Variants in EFCAB3 observed in about 807,000 individuals in gnomAD.
EFCAB3 encodes the protein EF-hand calcium-binding domain-containing protein 3.
In EFCAB3, 36 loss-of-function variants were observed where a neutral mutation model predicts 42.2. That is an observed-to-expected ratio of 0.85 (90% CI 0.65 to 1.13). The LOEUF (loss-of-function observed/expected upper bound fraction) is 1.13. Ranked by LOEUF, EFCAB3 falls within the 50% of genes most tolerant of loss-of-function variation. EFCAB3 has a pLI of 0.00. For synonymous variants in EFCAB3, 170 were observed against 172.8 expected (o/e 0.98, Z 0.13); for missense variants, 418 against 505.1 (o/e 0.83, Z 1.65).
Position 62,391,933 on chromosome 17 carries a change from T to C in EFCAB3, c.263T>C (p.Val88Ala), listed in dbSNP as rs1346242726. The C allele has an allele frequency of 2.5e-6, 4 of 1,610,938 alleles. No individual in the cohort carries two copies. The highest frequency in any genetic ancestry group is 3.3e-5 in the Admixed American group (2 of 59,906). Residue 88 changes from valine to alanine, a missense_variant, in exon 4 of 10, where the codon GTC becomes GCC. By Grantham distance (64) the Val-to-Ala change is moderately conservative. Coordinates refer to ENST00000305286, the MANE Select transcript of EFCAB3 (RefSeq NM_173503.4). ...GGAATGAATCTGACCAAGCATGATG[T>C]CTATAATGAATTGAAATGTGCTGAT... ...KLGMNLTKHD[V>A]YNELKCADID...
At chr17:62,393,484 C>G (rs2070321791) in intron 4 of EFCAB3, 89 bp from the exon 5 acceptor site, 5 of 1,004,936 alleles carry the variant, frequency 5.0e-6, no homozygotes, top group Non-Finnish European at 7.3e-6. Context: ...ATTGAATCAT[C>G]CAGAGTGTTT....
chr17:62,389,890 C>T (rs930840988), intron 3 of EFCAB3, among the ~76,000 whole-genome samples: 2 of 152,042 alleles, frequency 1.3e-5, no homozygotes, highest in South Asian at 4.2e-4. Context: ...AGGTTCACGC[C>T]ATTCTCCTGC....
At chr17:62,370,249 A>G in exon 1 of EFCAB3, 2 of 1,550,884 alleles carry the variant, frequency 1.3e-6, no homozygotes, top group East Asian at 4.9e-5. Flanking sequence ...AACTTAGACA[A>G]TTTCTAGCAA....
chr17:62,378,732 C>T (rs960528245), upstream of EFCAB3, among the ~76,000 whole-genome samples: 1 of 112,430 alleles, frequency 8.9e-6, no homozygotes, highest in Non-Finnish European at 1.7e-5. Context: ...GGCATGGACA[C>T]AGGGAGGGGA....
At chr17:62,375,803 T>G (rs142928754), upstream of EFCAB3, among the ~76,000 whole-genome samples, 111 of 152,334 alleles carry the variant, frequency 7.3e-4, 1 homozygote, top group African/African-American at 2.6e-3. Flanking sequence ...ATATCTTTGC[T>G]TACTTTTCTA....
intron 8 of EFCAB3, among the ~76,000 whole-genome samples, chr17:62,407,706 C>G (rs1171382416): frequency 1.3e-5 from 2 of 152,132 alleles, no homozygotes; most frequent in Non-Finnish European, 2.9e-5. Flanking sequence ...TCTTTTTGCC[C>G]CCCCTCCCAG....
intron 9 of EFCAB3, among the ~76,000 whole-genome samples, chr17:62,414,781 C>T (rs1309305625): frequency 6.6e-6 from 1 of 152,002 alleles, no homozygotes; most frequent in Admixed American, 6.6e-5. Context: ...TCTGCTAATC[C>T]CCAGGTCTGG....
chr17:62,381,678 G>A, intron 1 of EFCAB3: 1 of 206,982 alleles, frequency 4.8e-6, no homozygotes, highest in Non-Finnish European at 1.0e-5. Flanking sequence ...AGTGCGCTCG[G>A]TCACCTCCCT....
chr17:62,385,081 A>G (rs1465379425), intron 2 of EFCAB3, among the ~76,000 whole-genome samples: 7 of 152,212 alleles, frequency 4.6e-5, no homozygotes, highest in Non-Finnish European at 1.0e-4. Context: ...AGGTAACCCC[A>G]TCATGAATCA....
intron 3 of EFCAB3, among the ~76,000 whole-genome samples, chr17:62,387,650 G>A (rs1241472927): frequency 6.6e-6 from 1 of 152,130 alleles, no homozygotes; most frequent in East Asian, 1.9e-4. Flanking sequence ...GAACTTGTGG[G>A]TATGGAAAAG....
intron 8 of EFCAB3, among the ~76,000 whole-genome samples, chr17:62,410,102 G>T (rs1443134107): frequency 6.6e-6 from 1 of 152,210 alleles, no homozygotes; most frequent in Non-Finnish European, 1.5e-5. Flanking sequence ...AGGAGGCTGA[G>T]GCAGGAGAAT....
At chr17:62,403,234 T>A (rs982229207) in intron 6 of EFCAB3, among the ~76,000 whole-genome samples, 44 of 152,170 alleles carry the variant, frequency 2.9e-4, no homozygotes, top group African/African-American at 1.0e-3. Flanking sequence ...TAATCCCCAG[T>A]TGTCACTGCT....
intron 6 of EFCAB3, among the ~76,000 whole-genome samples, chr17:62,396,704 C>A (rs1013065053): frequency 6.6e-6 from 1 of 151,846 alleles, no homozygotes; most frequent in African/African-American, 2.4e-5. Context: ...ACCAGCTGGG[C>A]AATATAGCAA....
chr17:62,383,521 CAATT>C (rs2070222440), intron 2 of EFCAB3, among the ~76,000 whole-genome samples: 1 of 151,904 alleles, frequency 6.6e-6, no homozygotes, highest in African/African-American at 2.4e-5. Flanking sequence ...TATGATGAAA[CAATT>C]AAAATACTCT....
At chr17:62,388,202 C>A (rs558714213) in intron 3 of EFCAB3, among the ~76,000 whole-genome samples, 55 of 151,498 alleles carry the variant, frequency 3.6e-4, no homozygotes, top group African/African-American at 1.3e-3. Flanking sequence ...CAAAGCGAGA[C>A]TACGTCTCGA....
chr17:62,412,994 A>T (rs184952481), intron 8 of EFCAB3, among the ~76,000 whole-genome samples: 37 of 152,322 alleles, frequency 2.4e-4, no homozygotes, highest in South Asian at 4.1e-4. Flanking sequence ...TTGCAAATGG[A>T]TGAAATGTAA....
intron 8 of EFCAB3, among the ~76,000 whole-genome samples, chr17:62,408,509 C>A (rs1231017465): frequency 1.3e-5 from 2 of 152,190 alleles, no homozygotes; most frequent in Non-Finnish European, 2.9e-5. Context: ...CCCACACAAT[C>A]AAAACCTGAG....
Position 62,386,793 on chromosome 17 carries a change from G to GT in EFCAB3, c.75-544dup, listed in dbSNP as rs1463975688. Reference sequence around the variant, plus strand: ...GGGAAATCGTAACTGGTTTTTTGGGGTTTGTTTTTTTTTGAGATAGGGTCT... The same window carrying GT: ...GGGAAATCGTAACTGGTTTTTTGGGGTTTTGTTTTTTTTTGAGATAGGGTCT... On this transcript the variant is annotated intron_variant, in intron 2 of 9. Coordinates refer to ENST00000305286, the MANE Select transcript of EFCAB3 (RefSeq NM_173503.4). Among the ~76,000 whole-genome samples, 14 of 149,368 alleles carry GT rather than the reference G, an allele frequency of 9.4e-5. 1 individual carries two copies. The highest frequency in any genetic ancestry group is 7.4e-4 in the Admixed American group (11 of 14,948).
chr17:62,386,764 A>G (rs968031706), intron 2 of EFCAB3, among the ~76,000 whole-genome samples: 24 of 151,996 alleles, frequency 1.6e-4, no homozygotes, highest in African/African-American at 5.5e-4. Flanking sequence ...ATTTTGTAAA[A>G]TGGGGGAAAT....
Sources: allele counts gnomAD v4.1 joint callset (sites outside exome capture counted in the v4.1 genomes callset), GRCh38; gene constraint gnomAD v4.1.1; transcripts MANE v1.5; gene names NCBI Gene and HGNC (gene_info 2026-07-23, HGNC 2026-07-21).